PICALM: variants seen among roughly 807,000 people sequenced by gnomAD.
PICALM encodes phosphatidylinositol-binding clathrin assembly protein.
A neutral mutation model predicts 80.5 loss-of-function variants in PICALM; 40 were observed. That is an observed-to-expected ratio of 0.50 (90% confidence interval 0.39 to 0.65). The LOEUF is 0.65. Ranked by LOEUF, PICALM falls within the 30% of genes least tolerant of loss-of-function variation. The pLI is 0.00. For synonymous variants in PICALM, 288 were observed against 260.3 expected, an observed-to-expected ratio of 1.11 and a Z score of -1.02; for missense variants, 676 against 778.9, an observed-to-expected ratio of 0.87 and a Z score of 1.57.
chr11:86,067,038 G>A (rs1314928911), intron 1 of PICALM, among the ~76,000 whole-genome samples: 2 of 152,232 alleles, frequency 1.3e-5, no homozygotes, highest in Non-Finnish European at 2.9e-5. Flanking sequence ...AAAGAATCAA[G>A]CACTAATGCT....
intron 11 of PICALM, among the ~76,000 whole-genome samples, chr11:85,997,804 C>T (rs933649650): frequency 1.3e-5 from 2 of 150,640 alleles, no homozygotes; most frequent in African/African-American, 4.9e-5. Context: ...TTTTTTGAGA[C>T]AAGAGTCTCA....
At chr11:86,028,273 A>T (rs925216590) in intron 2 of PICALM, among the ~76,000 whole-genome samples, 3 of 152,216 alleles carry the variant, frequency 2.0e-5, no homozygotes, top group African/African-American at 7.2e-5. Flanking sequence ...TTGGGTCATA[A>T]GCGGTAACCT....
At chr11:86,029,386 T>C (rs11234518) in intron 2 of PICALM, among the ~76,000 whole-genome samples, 2 of 152,274 alleles carry the variant, frequency 1.3e-5, no homozygotes, top group East Asian at 3.9e-4. Context: ...TTGTACAAAC[T>C]AGCATAAAAA....
At position 85,972,138 on chromosome 11, in the gene PICALM, T is replaced by C. The variant is rs182037332; in HGVS notation, c.1944+2570A>G. ...CCAACATTAAAAAAAAATGTTTAGGTTTTTAAAAAGCAAAACTCATACACA... is the reference window on the plus strand; with the variant it reads ...CCAACATTAAAAAAAAATGTTTAGGCTTTTAAAAAGCAAAACTCATACACA... On this transcript the variant is annotated intron_variant, in intron 19 of 19. Coordinates refer to ENST00000393346, the MANE Select transcript of PICALM (RefSeq NM_007166.4). Among the ~76,000 whole-genome samples, 782 of 152,166 alleles carry C rather than the reference T, an allele frequency of 5.1e-3. 10 individuals are homozygous for C. Among genetic ancestry groups the C allele is most frequent in the Middle Eastern group, 0.051 (15 of 294 alleles).
chr11:86,051,919 T>C (rs769286146), intron 1 of PICALM, among the ~76,000 whole-genome samples: 36 of 152,206 alleles, frequency 2.4e-4, no homozygotes, highest in Non-Finnish European at 4.3e-4. Flanking sequence ...ATAAAGCCAA[T>C]AAGACTATCT....
At chr11:85,985,942 G>A (rs781413138) in intron 13 of PICALM, among the ~76,000 whole-genome samples, 1 of 152,040 alleles carries the variant, frequency 6.6e-6, no homozygotes, top group Non-Finnish European at 1.5e-5. Context: ...ATCCTTTATA[G>A]TCACACAGAA....
intron 4 of PICALM, among the ~76,000 whole-genome samples, chr11:86,016,601 G>A (rs1276814877): frequency 1.3e-5 from 2 of 152,018 alleles, no homozygotes; most frequent in African/African-American, 2.4e-5. Flanking sequence ...CACTATCCTG[G>A]CTGAGCAAAC....
At chr11:85,978,143 A>G in intron 17 of PICALM, 1 of 1,477,578 alleles carries the variant, frequency 6.8e-7, no homozygotes. Context: ...ACTGGATTAG[A>G]ACAAGTACTT....
intron 1 of PICALM, among the ~76,000 whole-genome samples, chr11:86,039,238 G>T (rs1178774199): frequency 1.4e-4 from 21 of 151,958 alleles, no homozygotes; most frequent in Non-Finnish European, 2.9e-5. Context: ...ATTAGAAAAT[G>T]TAAAAATAGA....
chr11:86,014,625 C>T (rs1378495223), intron 5 of PICALM, among the ~76,000 whole-genome samples: 2 of 152,108 alleles, frequency 1.3e-5, no homozygotes, highest in Non-Finnish European at 1.5e-5. Context: ...TCAGATCAAT[C>T]CTTTCACCAC....
chr11:86,054,059 T>C (rs2096233902), intron 1 of PICALM, among the ~76,000 whole-genome samples: 1 of 152,220 alleles, frequency 6.6e-6, no homozygotes, highest in South Asian at 2.1e-4. Context: ...GTTAAGTTCA[T>C]TCATAAATTT....
At chr11:86,023,380 T>C (rs917004018) in intron 3 of PICALM, 3 of 882,990 alleles carry the variant, frequency 3.4e-6, no homozygotes, top group African/African-American at 1.8e-5. Context: ...GTGAACAAAA[T>C]AGAAAAAAAA....
In PICALM at chr11:86,026,460, A is replaced by G. The variant is rs541674; in HGVS notation, c.274-93T>C. 0.48 allele frequency: 335,826 copies of G among 698,990 alleles called. 82,096 individuals are homozygous for G. Among genetic ancestry groups the G allele is most frequent in the African/African-American group, 0.6 (33,460 of 55,926 alleles). 43.3% of individuals were successfully genotyped at this position (698,990 alleles called of 1,614,324 possible). A position where few individuals can be genotyped will look rare whatever the true frequency, so the allele number is the denominator to read the frequency against. On this transcript the variant is annotated intron_variant, in intron 2 of 19. Transcript: ENST00000393346. ...GGAAAAGTTATGGTTAACACATTCTATTAAGCTTATCTAGTTTAAATTTCT... is the reference window on the plus strand; with the variant it reads ...GGAAAAGTTATGGTTAACACATTCTGTTAAGCTTATCTAGTTTAAATTTCT...
chr11:86,005,648 T>C lies in PICALM; in HGVS notation c.807+1894A>G, dbSNP rs146781310. Among the ~76,000 whole-genome samples the C allele has an allele frequency of 9.0e-3, 1,373 of 152,154 alleles. 22 individuals are homozygous for C. Among genetic ancestry groups the C allele is most frequent in the African/African-American group, 0.031 (1,305 of 41,516 alleles). ...TGAGCCTGGGAGGGTGAGGATGCAG[T>C]GACCCATGATTTTGTCAATGCGCCC... is the stretch of plus-strand genomic sequence containing the variant. On this transcript the variant is annotated intron_variant, in intron 8 of 19. Coordinates refer to ENST00000393346, the MANE Select transcript of PICALM (RefSeq NM_007166.4).
chr11:86,059,526 C>T lies in PICALM; in HGVS notation c.130+9125G>A, dbSNP rs148391301. Among the ~76,000 whole-genome samples, 55 of 152,312 alleles carry T rather than the reference C, an allele frequency of 3.6e-4. No individual in the cohort carries two copies. In the East Asian group the frequency reaches 7.1e-3, roughly 20 times the overall value. Reference sequence around the variant, plus strand: ...TAAAGACAGTTTAAAAGAGGCCGAGCATGGTGGCTCACACTTATAATCCCA... The same window carrying T: ...TAAAGACAGTTTAAAAGAGGCCGAGTATGGTGGCTCACACTTATAATCCCA... On this transcript the variant is annotated intron_variant, in intron 1 of 19. Transcript: ENST00000393346.
chr11:85,966,233 G>C (rs979790912), intron 19 of PICALM, among the ~76,000 whole-genome samples: 2 of 148,512 alleles, frequency 1.3e-5, no homozygotes, highest in Non-Finnish European at 3.0e-5. Context: ...CAAAGACAGG[G>C]TCTAGCTCTG....
At chr11:86,005,336 T>A (rs1220109870) in intron 8 of PICALM, among the ~76,000 whole-genome samples, 1 of 152,222 alleles carries the variant, frequency 6.6e-6, no homozygotes, top group African/African-American at 2.4e-5. Context: ...TTATGATTAG[T>A]AAGACAAACC....
chr11:86,056,892 A>G lies in PICALM; in HGVS notation c.130+11759T>C, dbSNP rs1033762920. Among the ~76,000 whole-genome samples, 5 of 152,236 alleles carry G rather than the reference A, an allele frequency of 3.3e-5. 1 individual carries two copies. The highest frequency in any genetic ancestry group is 2.6e-4 in the Admixed American group (4 of 15,282). On this transcript the variant is annotated intron_variant, in intron 1 of 19. Transcript: ENST00000393346. ...TACAAGGACAAACCTTTAAAACATT[A>G]TAACTGAAAGAAGCCAGGCACAAAA...
chr11:86,024,021 G>A (rs1441636542), intron 3 of PICALM, among the ~76,000 whole-genome samples: 1 of 152,034 alleles, frequency 6.6e-6, no homozygotes, highest in Admixed American at 6.6e-5. Flanking sequence ...AATCCCAGCT[G>A]CTCAGGAGGC....
Sources: gnomAD v4.1 joint callset for allele counts (sites outside exome capture counted in the v4.1 genomes callset) on GRCh38, gnomAD v4.1.1 for gene constraint, MANE v1.5 for transcripts, NCBI Gene and HGNC (gene_info 2026-07-23, HGNC 2026-07-21) for gene names.